The following TVP23B variants were observed in gnomAD, a reference collection of about 807,000 sequenced individuals.
TVP23B encodes the protein Golgi apparatus membrane protein TVP23 homolog B.
In TVP23B, 10 loss-of-function variants were observed where a neutral mutation model predicts 30.6. That is an observed-to-expected ratio of 0.33 (90% CI 0.20 to 0.55). The LOEUF (loss-of-function observed/expected upper bound fraction) is 0.55, where lower values mean the gene tolerates loss of function less well. Among genes scored for constraint, TVP23B ranks in the 20% least tolerant of loss-of-function variants. TVP23B has a pLI of 0.91. For missense variants in TVP23B, 153 were observed against 243.2 expected (o/e 0.63, Z 2.47); for synonymous variants, 67 against 83.1 (o/e 0.81, Z 1.06).
chr17:18,798,722 A>C, intron 4 of TVP23B, 90 bp from the exon 5 acceptor site: 1 of 1,516,840 alleles, frequency 6.6e-7, no homozygotes, highest in Non-Finnish European at 8.9e-7. Context: ...TAATATTTGA[A>C]CTTGTGGGTA....
rs567027480 is a variant in TVP23B at position 18,799,854 on chromosome 17, A to G, written c.462+911A>G. On this transcript the variant is annotated intron_variant, in intron 5 of 6. Transcript: ENST00000307767. ...TAATTTGTAGTATTTTCTTAGTCCTATTTTGCGATATAGATTCTTTTTTTC... is the reference window on the plus strand; with the variant it reads ...TAATTTGTAGTATTTTCTTAGTCCTGTTTTGCGATATAGATTCTTTTTTTC... Among the ~76,000 whole-genome samples the G allele has an allele frequency of 8.6e-5, 13 of 151,898 alleles. 1 individual carries two copies. In the South Asian group the frequency reaches 2.3e-3, roughly 27 times the overall value.
At chr17:18,790,472 AAAAAAAAG>A (rs2035974315) in intron 2 of TVP23B, among the ~76,000 whole-genome samples, 1 of 135,334 alleles carries the variant, frequency 7.4e-6, no homozygotes, top group South Asian at 2.3e-4. Context: ...TCAAAAAAAA[AAAAAAAAG>A]AAAAGAAAGA....
Position 18,804,192 on chromosome 17 carries a change from A to C in TVP23B, c.517A>C (p.Arg173=). The change falls in exon 6 of 7, where the codon AGG becomes CGG. Residue 173 remains arginine, a synonymous_variant. Coordinates refer to ENST00000307767, the MANE Select transcript of TVP23B (RefSeq NM_016078.6). ...AGGTGCCAACCTGTATGGTTACATCAGGTGTAAGGTGCGCAGCAGAAAGCA... is the reference window on the plus strand; with the variant it reads ...AGGTGCCAACCTGTATGGTTACATCCGGTGTAAGGTGCGCAGCAGAAAGCA... ...LQGANLYGYI[R]CKVRSRKHLT... 1 of 1,613,234 alleles carries C rather than the reference A, an allele frequency of 6.2e-7. No homozygotes were observed. The highest frequency in any genetic ancestry group is 1.3e-5 in the African/African-American group (1 of 74,914).
intron 5 of TVP23B, among the ~76,000 whole-genome samples, chr17:18,803,017 G>C (rs1186294136): frequency 6.6e-6 from 1 of 152,110 alleles, no homozygotes; most frequent in East Asian, 1.9e-4. Flanking sequence ...TCTTTTACTA[G>C]GAATGTGAAA....
chr17:18,799,825 C>G (rs527367181), intron 5 of TVP23B, among the ~76,000 whole-genome samples: 53 of 151,468 alleles, frequency 3.5e-4, no homozygotes, highest in African/African-American at 1.3e-3. Flanking sequence ...TATGTTTTTC[C>G]TCCTAATTTG....
intron 1 of TVP23B, among the ~76,000 whole-genome samples, chr17:18,784,532 C>G (rs578149924): frequency 4.1e-4 from 63 of 152,308 alleles, no homozygotes; most frequent in African/African-American, 1.5e-3. Flanking sequence ...GTGGTCTCAG[C>G]TACTCGGGAG....
chr17:18,803,013 AC>A (rs1414706677), intron 5 of TVP23B, among the ~76,000 whole-genome samples: 2 of 152,246 alleles, frequency 1.3e-5, no homozygotes, highest in Non-Finnish European at 2.9e-5. Flanking sequence ...CTCTTCTTTT[AC>A]TAGGAATGTG....
intron 5 of TVP23B, among the ~76,000 whole-genome samples, chr17:18,802,730 C>G (rs1300943619): frequency 6.6e-6 from 1 of 152,182 alleles, no homozygotes; most frequent in Non-Finnish European, 1.5e-5. Flanking sequence ...CCATCTTAAA[C>G]CAGAAGTTTA....
intron 1 of TVP23B, among the ~76,000 whole-genome samples, chr17:18,787,161 G>T (rs1233970282): frequency 8.4e-4 from 128 of 152,292 alleles, no homozygotes; most frequent in Non-Finnish European, 1.6e-4. Context: ...ATGGGAGGGT[G>T]AGGTGGGCGG....
chr17:18,786,099 A>C (rs1410283239), intron 1 of TVP23B, among the ~76,000 whole-genome samples: 1 of 152,098 alleles, frequency 6.6e-6, no homozygotes, highest in African/African-American at 2.4e-5. Flanking sequence ...TCTCATCTCT[A>C]CTTTGCTTGT....
chr17:18,798,987 T>C, intron 5 of TVP23B, 44 bp downstream of exon 5: 1 of 1,582,408 alleles, frequency 6.3e-7, no homozygotes, highest in South Asian at 1.1e-5. Flanking sequence ...TTAAGATGTC[T>C]GATGGTAATC....
At chr17:18,799,005 G>C in intron 5 of TVP23B, 62 bp downstream of exon 5, 1 of 1,559,370 alleles carries the variant, frequency 6.4e-7, no homozygotes, top group South Asian at 1.2e-5. Context: ...ATCATAGGAA[G>C]CAACAACTAC....
chr17:18,802,877 A>G (rs1396059739), intron 5 of TVP23B, among the ~76,000 whole-genome samples: 2 of 152,138 alleles, frequency 1.3e-5, no homozygotes, highest in African/African-American at 4.8e-5. Flanking sequence ...GAAGCATGGG[A>G]AATTAAAAGG....
intron 3 of TVP23B, among the ~76,000 whole-genome samples, chr17:18,794,645 C>T (rs1355955030): frequency 1.3e-5 from 2 of 151,912 alleles, no homozygotes; most frequent in Non-Finnish European, 2.9e-5. Context: ...GGAAAATAAA[C>T]TAATAAAGAT....
At chr17:18,801,433 C>A (rs2036165426) in intron 5 of TVP23B, among the ~76,000 whole-genome samples, 1 of 152,106 alleles carries the variant, frequency 6.6e-6, no homozygotes, top group Non-Finnish European at 1.5e-5. Flanking sequence ...GCGGGTGAAT[C>A]CCCCTTGACC....
chr17:18,783,942 C>T (rs971057854), intron 1 of TVP23B, among the ~76,000 whole-genome samples: 4 of 151,676 alleles, frequency 2.6e-5, no homozygotes, highest in African/African-American at 9.7e-5. Flanking sequence ...GTCAGGAGAT[C>T]GAGACCATCC....
chr17:18,791,894 G>C (rs1462152596), intron 3 of TVP23B, among the ~76,000 whole-genome samples: 2 of 151,844 alleles, frequency 1.3e-5, no homozygotes, highest in African/African-American at 4.8e-5. Context: ...ATTTAACTGT[G>C]TGTGTTCGAA....
rs775305719 is a variant in TVP23B at position 18,798,948 on chromosome 17, G to A, written c.462+5G>A. 6.2e-7 allele frequency: 1 copy of A among 1,611,008 alleles called. No individual in the cohort carries two copies. The highest frequency in any genetic ancestry group is 8.5e-7 in the Non-Finnish European group (1 of 1,179,084). ...TCCTTCAGAGTAAAGTGGTTGGTGAGTATCAGTGTAGAACTTTCAAATAAT... is the reference window on the plus strand; with the variant it reads ...TCCTTCAGAGTAAAGTGGTTGGTGAATATCAGTGTAGAACTTTCAAATAAT... On this transcript the variant is annotated splice_donor_5th_base_variant and intron_variant, in intron 5 of 6. Coordinates refer to ENST00000307767, the MANE Select transcript of TVP23B (RefSeq NM_016078.6).
Position 18,781,314 on chromosome 17 carries a change from C to T in TVP23B, c.12+9C>T, listed in dbSNP as rs765854440. On this transcript the variant is annotated intron_variant, in intron 1 of 6. Transcript: ENST00000307767. The stretch of plus-strand genomic sequence containing the variant: ...CCGCCATGTTGCAGCAGGTGAGGGG[C>T]TGAGGGCTCGCTGGGAGGGTGGCGG... 24 of 1,579,362 alleles carry T rather than the reference C, an allele frequency of 1.5e-5. No homozygotes were observed. The Middle Eastern group carries it at 1.4e-3, about 89-fold the overall frequency.
Sources: gnomAD v4.1 joint callset for allele counts (sites outside exome capture counted in the v4.1 genomes callset) on GRCh38, gnomAD v4.1.1 for gene constraint, MANE v1.5 for transcripts, NCBI Gene and HGNC (gene_info 2026-07-23, HGNC 2026-07-21) for gene names.